CWC27: variants seen among roughly 807,000 people sequenced by gnomAD.
CWC27 encodes the protein CWC27 spliceosome associated cyclophilin.
CWC27 carries 47 observed loss-of-function variants against 63.6 expected under a neutral mutation model. That is an observed-to-expected ratio of 0.74 (90% CI 0.58 to 0.94). CWC27 has a LOEUF of 0.94. Ranked by LOEUF, CWC27 falls within the 40% of genes least tolerant of loss-of-function variation. The probability of loss-of-function intolerance (pLI) is 0.00; values close to 1 mark genes in which losing one functional copy is unlikely to be tolerated. For missense variants in CWC27, 495 were observed against 554.3 expected (o/e 0.89, Z 1.07); for synonymous variants, 175 against 179.8 (o/e 0.97, Z 0.22).
At chr5:64,779,712 T>C (rs989702700) in intron 2 of CWC27, among the ~76,000 whole-genome samples, 9 of 152,150 alleles carry the variant, frequency 5.9e-5, no homozygotes, top group African/African-American at 2.2e-4. Flanking sequence ...TGGCTCTGTG[T>C]CCCCACCCAA....
intron 11 of CWC27, among the ~76,000 whole-genome samples, chr5:64,901,171 C>T (rs11750189): frequency 0.37 from 55,614 of 151,708 alleles, 10,794 homozygotes; most frequent in East Asian, 0.52. Context: ...ACATTGCAGG[C>T]GATTGTAATA....
At chr5:64,817,087 T>C (rs1372466647) in intron 10 of CWC27, among the ~76,000 whole-genome samples, 5 of 152,098 alleles carry the variant, frequency 3.3e-5, no homozygotes, top group Non-Finnish European at 5.9e-5. Context: ...TCTCATATGT[T>C]TTGGCCGTGC....
At chr5:64,818,915 A>G (rs1745119116) in intron 10 of CWC27, among the ~76,000 whole-genome samples, 1 of 152,182 alleles carries the variant, frequency 6.6e-6, no homozygotes, top group African/African-American at 2.4e-5. Context: ...GCTGTATAGT[A>G]TGAAAATAAT....
At chr5:64,774,513 A>G (rs1743371923) in intron 1 of CWC27, among the ~76,000 whole-genome samples, 178 bp from the exon 2 acceptor site, 1 of 152,264 alleles carries the variant, frequency 6.6e-6, no homozygotes, top group South Asian at 2.1e-4. Context: ...ATCTAAATGT[A>G]CAATGAGTTG....
chr5:64,918,574 A>C (rs1015268161), intron 11 of CWC27, among the ~76,000 whole-genome samples: 4 of 152,202 alleles, frequency 2.6e-5, no homozygotes, highest in African/African-American at 4.8e-5. Flanking sequence ...AAAGGGAAAA[A>C]AAGAAAATGG....
intron 10 of CWC27, chr5:64,808,344 C>A (rs1408549747): frequency 1.0e-6 from 1 of 988,272 alleles, no homozygotes; most frequent in Admixed American, 5.9e-5. Flanking sequence ...TACTATATTC[C>A]CTGACTCCTT....
chr5:64,943,755 TAGAAAAGCATCC>T (rs1453614849), intron 11 of CWC27, among the ~76,000 whole-genome samples: 2 of 152,172 alleles, frequency 1.3e-5, no homozygotes, highest in Non-Finnish European at 2.9e-5. Context: ...CACATCTTCA[TAGAAAAGCATCC>T]AAAACAGGAA....
At chr5:64,941,214 G>A (rs1748472581) in intron 11 of CWC27, among the ~76,000 whole-genome samples, 1 of 152,056 alleles carries the variant, frequency 6.6e-6, no homozygotes, top group Non-Finnish European at 1.5e-5. Context: ...TTCCTAAGGA[G>A]CTCTGGTTTC....
rs1333827464 is a variant in CWC27, at chr5:64,902,687, G to C, written c.1042+17141G>C. On this transcript the variant is annotated intron_variant, in intron 11 of 13. Coordinates refer to ENST00000381070, the MANE Select transcript of CWC27 (RefSeq NM_005869.4). The stretch of plus-strand genomic sequence containing the variant: ...CTCCCACATTTTTCAAAGTTGTTTT[G>C]TCTGTTCTACGTCATATGCATGTCC... Among the ~76,000 whole-genome samples, 26 of 152,026 alleles carry C rather than the reference G, an allele frequency of 1.7e-4. 1 individual carries two copies. Among genetic ancestry groups the C allele is most frequent in the Admixed American group, 1.7e-3 (26 of 15,250 alleles).
intron 11 of CWC27, among the ~76,000 whole-genome samples, chr5:64,957,032 CAT>C (rs1748815211): frequency 6.6e-6 from 1 of 152,116 alleles, no homozygotes; most frequent in Non-Finnish European, 1.5e-5. Context: ...TCCTCAATCA[CAT>C]AGGAAATCTA....
chr5:64,932,658 A>G (rs1054475532), intron 11 of CWC27, among the ~76,000 whole-genome samples: 6 of 152,170 alleles, frequency 3.9e-5, no homozygotes, highest in Non-Finnish European at 8.8e-5. Flanking sequence ...TCAACCATCC[A>G]GGCTTTATAA....
intron 7 of CWC27, among the ~76,000 whole-genome samples, chr5:64,789,342 A>G (rs1299062513): frequency 3.9e-5 from 6 of 152,108 alleles, no homozygotes; most frequent in Admixed American, 3.3e-4. Context: ...TATTATCATT[A>G]CTGATATAAA....
At chr5:64,903,488 GACACAGGGAGGGGAACATCAC>G (rs1747552953) in intron 11 of CWC27, among the ~76,000 whole-genome samples, 1 of 151,276 alleles carries the variant, frequency 6.6e-6, no homozygotes, top group Admixed American at 6.6e-5. Flanking sequence ...AGAACACATG[GACACAGGGAGGGGAACATCAC>G]ACACAGGGGC....
intron 11 of CWC27, among the ~76,000 whole-genome samples, chr5:64,908,616 T>G (rs1747714859): frequency 6.6e-6 from 1 of 152,232 alleles, no homozygotes; most frequent in South Asian, 2.1e-4. Flanking sequence ...CTTATTGAAT[T>G]GATCCCTTTA....
chr5:64,801,091 A>T (rs1411382542), intron 8 of CWC27, among the ~76,000 whole-genome samples: 4 of 152,136 alleles, frequency 2.6e-5, no homozygotes, highest in African/African-American at 9.7e-5. Flanking sequence ...GTGAACGCAT[A>T]TATTTGCTAA....
At chr5:64,770,487 C>T (rs1182218448) in intron 1 of CWC27, among the ~76,000 whole-genome samples, 1 of 152,208 alleles carries the variant, frequency 6.6e-6, no homozygotes, top group Non-Finnish European at 1.5e-5. Flanking sequence ...TTGACCTTAG[C>T]AAAGAGCCCT....
chr5:64,841,400 T>C (rs1292950072), intron 10 of CWC27, among the ~76,000 whole-genome samples: 1 of 152,190 alleles, frequency 6.6e-6, no homozygotes, highest in Non-Finnish European at 1.5e-5. Context: ...CTTAATACCA[T>C]CACAATGGCA....
intron 10 of CWC27, among the ~76,000 whole-genome samples, chr5:64,870,598 A>G (rs1215689957): frequency 2.0e-5 from 3 of 152,112 alleles, no homozygotes; most frequent in Non-Finnish European, 4.4e-5. Flanking sequence ...ATGAGCACAG[A>G]AAGAATGATG....
At chr5:65,017,150 T>C (rs1251868511) in intron 13 of CWC27, among the ~76,000 whole-genome samples, 2 of 151,956 alleles carry the variant, frequency 1.3e-5, no homozygotes, top group Non-Finnish European at 2.9e-5. Context: ...TGAAACCCCG[T>C]CTCTGCTAAA....
Sources: gnomAD v4.1 joint callset for allele counts (sites outside exome capture counted in the v4.1 genomes callset) on GRCh38, gnomAD v4.1.1 for gene constraint, MANE v1.5 for transcripts, NCBI Gene and HGNC (gene_info 2026-07-23, HGNC 2026-07-21) for gene names.